Variants in RMST observed in about 807,000 individuals in gnomAD.
RMST encodes long intergenic non-protein coding RNA 54.
chr12:97,498,506 G>A (rs1256935279), intron 10 of RMST, among the ~76,000 whole-genome samples: 1 of 152,120 alleles, frequency 6.6e-6, no homozygotes, highest in Non-Finnish European at 1.5e-5. Flanking sequence ...ACGAGTCTTA[G>A]CAATGATCTT....
At chr12:97,525,026 G>A (rs1880944112) in intron 10 of RMST, among the ~76,000 whole-genome samples, 1 of 152,168 alleles carries the variant, frequency 6.6e-6, no homozygotes, top group Non-Finnish European at 1.5e-5. Context: ...GGCATCTAAA[G>A]GATGCCTTGA....
chr12:97,560,174 G>A (rs1016583937), intron 11 of RMST, among the ~76,000 whole-genome samples: 4 of 152,128 alleles, frequency 2.6e-5, no homozygotes, highest in Non-Finnish European at 5.9e-5. Flanking sequence ...AAAAGAAGAA[G>A]AAGAAGAAGA....
chr12:97,507,254 A>G (rs1878787654), intron 10 of RMST, among the ~76,000 whole-genome samples: 1 of 136,574 alleles, frequency 7.3e-6, no homozygotes, highest in Non-Finnish European at 1.5e-5. Flanking sequence ...CTGGGTTGTT[A>G]TTGTTTTTTT....
chr12:97,562,919 A>G (rs1884230214), intron 13 of RMST, among the ~76,000 whole-genome samples: 1 of 152,184 alleles, frequency 6.6e-6, no homozygotes, highest in African/African-American at 2.4e-5. Flanking sequence ...GCATTTTTAA[A>G]AAATAAAGCA....
At position 97,549,044 on chromosome 12, in the gene RMST, A is replaced by G. The variant is rs372734261; in HGVS notation, n.1546-11493A>G. On this transcript the variant is annotated intron_variant and non_coding_transcript_variant, in intron 11 of 13. Coordinates refer to ENST00000640149, the Ensembl canonical transcript of RMST. Reference sequence around the variant, plus strand: ...CATCAACAAAACAAAAAGATCTGAGAGTTTGCAGGAAGTCTGGCCTTAGTA... The same window carrying G: ...CATCAACAAAACAAAAAGATCTGAGGGTTTGCAGGAAGTCTGGCCTTAGTA... Among the ~76,000 whole-genome samples the G allele has an allele frequency of 2.7e-4, 41 of 152,184 alleles. 1 individual carries two copies. Among genetic ancestry groups the G allele is most frequent in the Admixed American group, 8.5e-4 (13 of 15,276 alleles).
chr12:97,530,411 G>A (rs1265137613), intron 10 of RMST: 2 of 151,958 alleles, frequency 1.3e-5, no homozygotes, highest in Non-Finnish European at 2.9e-5. Flanking sequence ...ATAATAAGTA[G>A]TATTCACCTG....
At chr12:97,480,756 T>C (rs1448800446) in intron 5 of RMST, among the ~76,000 whole-genome samples, 1 of 152,212 alleles carries the variant, frequency 6.6e-6, no homozygotes, top group Non-Finnish European at 1.5e-5. Context: ...ATGAACCATA[T>C]TATTTCTTTG....
intron 10 of RMST, among the ~76,000 whole-genome samples, chr12:97,502,747 G>A (rs7133263): frequency 0.16 from 24,693 of 152,128 alleles, 3,999 homozygotes; most frequent in African/African-American, 0.41. Flanking sequence ...TCCCAGGCAT[G>A]AGCCACTGTG....
chr12:97,532,738 T>C (rs1228394694), intron 11 of RMST: 1 of 151,152 alleles, frequency 6.6e-6, no homozygotes, highest in Non-Finnish European at 1.5e-5. Context: ...TTAACGTTTT[T>C]TGGTAAAATG....
At chr12:97,532,669 T>TTTTTTTTG (rs398020757) in intron 11 of RMST, 1 of 148,932 alleles carries the variant, frequency 6.7e-6, no homozygotes. Flanking sequence ...TTTTTTTTTT[T>TTTTTTTTG]AAACAGGATT....
chr12:97,558,552 A>G (rs1452230188), intron 11 of RMST, among the ~76,000 whole-genome samples: 2 of 152,216 alleles, frequency 1.3e-5, no homozygotes, highest in Non-Finnish European at 2.9e-5. Context: ...CTGTATCAGG[A>G]TATCTAGGAA....
intron 10 of RMST, among the ~76,000 whole-genome samples, chr12:97,528,066 AATT>A (rs147656794): frequency 0.012 from 1,809 of 152,230 alleles, 31 homozygotes; most frequent in East Asian, 0.054. Flanking sequence ...TAAGTATTAC[AATT>A]ATTATTGTTG....
At chr12:97,496,341 A>C (rs1347283736) in intron 10 of RMST, among the ~76,000 whole-genome samples, 4 of 152,144 alleles carry the variant, frequency 2.6e-5, no homozygotes, top group Non-Finnish European at 4.4e-5. Flanking sequence ...GAAGAATTAG[A>C]AGAATTCCAA....
At chr12:97,496,408 A>AT (rs1409614362) in intron 10 of RMST, among the ~76,000 whole-genome samples, 1 of 152,122 alleles carries the variant, frequency 6.6e-6, no homozygotes, top group African/African-American at 2.4e-5. Context: ...GGTAAAAAAA[A>AT]TCCCATTAAA....
chr12:97,475,268 T>C (rs1874405749), intron 5 of RMST, among the ~76,000 whole-genome samples: 1 of 152,184 alleles, frequency 6.6e-6, no homozygotes, highest in Admixed American at 6.6e-5. Flanking sequence ...TGGAAGGCTT[T>C]TGAAGGTCTA....
intron 5 of RMST, among the ~76,000 whole-genome samples, chr12:97,475,483 C>T (rs528060428): frequency 2.6e-5 from 4 of 152,164 alleles, no homozygotes; most frequent in South Asian, 2.1e-4. Context: ...AGACCTACTA[C>T]GACCATGGAC....
intron 11 of RMST, among the ~76,000 whole-genome samples, chr12:97,532,266 C>T (rs114111947): frequency 0.021 from 3,244 of 151,960 alleles, 124 homozygotes; most frequent in African/African-American, 0.074. Context: ...TGATTCCCCA[C>T]CCCTAGCCCA....
intron 10 of RMST, among the ~76,000 whole-genome samples, chr12:97,523,316 T>C (rs904190630): frequency 3.3e-5 from 5 of 152,206 alleles, no homozygotes; most frequent in Admixed American, 1.3e-4. Context: ...GCTTTGTAAA[T>C]GTGACCATTG....
intron 10 of RMST, among the ~76,000 whole-genome samples, chr12:97,524,075 C>CAGAGAAAAAAAAAAA (rs57255256): frequency 0.017 from 946 of 56,122 alleles, 332 homozygotes; most frequent in Non-Finnish European, 0.021. Flanking sequence ...GACTCTGTCT[C>CAGAGAAAAAAAAAAA]AAAAAAAAAA....
Sources: allele counts gnomAD v4.1 joint callset (sites outside exome capture counted in the v4.1 genomes callset), GRCh38; gene constraint gnomAD v4.1.1; transcripts MANE v1.5; gene names NCBI Gene and HGNC (gene_info 2026-07-23, HGNC 2026-07-21).